Variants in CUL3 observed in about 807,000 individuals in gnomAD.
CUL3 encodes cullin 3, also known as cullin-3.
Under a neutral mutation model 89.1 loss-of-function variants are expected in CUL3, and 19 were observed. The ratio of observed to expected loss-of-function variants is 0.21; its 90% CI spans 0.15 to 0.31. CUL3 has a LOEUF of 0.31. Among genes scored for constraint, CUL3 ranks in the 10% least tolerant of loss-of-function variants. The pLI, the probability that CUL3 is intolerant of heterozygous loss-of-function variation, is 1.00. For missense variants in CUL3, 469 were observed against 942.3 expected (o/e 0.50, Z 6.58); for synonymous variants, 351 against 308.4 (o/e 1.14, Z -1.45).
At chr2:224,511,292 A>T (rs879017715) in intron 6 of CUL3, 62 bp downstream of exon 6, 60 of 1,258,594 alleles carry the variant, frequency 4.8e-5, no homozygotes, top group South Asian at 4.4e-4. Context: ...TTGTAGGAAA[A>T]TTTTAAAAAT....
Position 224,514,802 on chromosome 2 carries a change from C to T in CUL3, c.379-30G>A, listed in dbSNP as rs563329919. On this transcript the variant is annotated intron_variant, in intron 3 of 15. Transcript: ENST00000264414. ...AGTTAAAGTCATATAAATATGAGTA[C>T]AGTTCTTGTGAGCATAATAATTATT... is the stretch of plus-strand genomic sequence containing the variant. 2.6e-5 allele frequency: 39 copies of T among 1,494,570 alleles called. No homozygotes were observed. The African/African-American group carries it at 3.0e-4, about 12-fold the overall frequency. The allele number at this position is 1,494,570 out of a possible 1,614,324, so 92.6% of individuals were successfully genotyped here. A position where few individuals can be genotyped will look rare whatever the true frequency, so the allele number is the denominator to read the frequency against.
intron 1 of CUL3, among the ~76,000 whole-genome samples, chr2:224,563,513 T>TAA (rs1355729361): frequency 6.6e-6 from 1 of 152,222 alleles, no homozygotes; most frequent in Non-Finnish European, 1.5e-5. Flanking sequence ...GTCCATATCT[T>TAA]AAAGAAGATA....
chr2:224,549,775 T>C (rs1694440672), intron 2 of CUL3, among the ~76,000 whole-genome samples: 2 of 152,084 alleles, frequency 1.3e-5, no homozygotes, highest in Non-Finnish European at 2.9e-5. Context: ...ACCCTTAACA[T>C]GCCCAAAAGT....
intron 3 of CUL3, among the ~76,000 whole-genome samples, chr2:224,533,859 T>C (rs906041000): frequency 3.3e-5 from 5 of 152,156 alleles, no homozygotes; most frequent in East Asian, 3.8e-4. Flanking sequence ...CCTGACCCCC[T>C]TGCCACTAAG....
chr2:224,510,939 A>G (rs970080370), intron 6 of CUL3, among the ~76,000 whole-genome samples: 3 of 152,186 alleles, frequency 2.0e-5, no homozygotes, highest in Non-Finnish European at 4.4e-5. Flanking sequence ...TAAATCCCAA[A>G]GGAAAGTCTA....
chr2:224,570,443 T>A (rs1695157480), intron 1 of CUL3, among the ~76,000 whole-genome samples: 1 of 152,326 alleles, frequency 6.6e-6, no homozygotes, highest in South Asian at 2.1e-4. Context: ...TAAGAAAGTC[T>A]GTGAAAGCAT....
chr2:224,491,080 T>C (rs1168204647), intron 13 of CUL3, among the ~76,000 whole-genome samples: 1 of 152,204 alleles, frequency 6.6e-6, no homozygotes, highest in Non-Finnish European at 1.5e-5. Context: ...CTAAGACCCA[T>C]CCCTTTTCAA....
intron 3 of CUL3, among the ~76,000 whole-genome samples, chr2:224,532,734 TTGAG>T (rs1693741078): frequency 6.6e-6 from 1 of 151,962 alleles, no homozygotes; most frequent in Non-Finnish European, 1.5e-5. Flanking sequence ...ATTCTGAGGA[TTGAG>T]TGAGTGGCTT....
At position 224,471,070 on chromosome 2, in the gene CUL3, A is replaced by T. The variant is rs1381124847; in HGVS notation, c.*3175T>A. 4 of 223,616 alleles carry T rather than the reference A, an allele frequency of 1.8e-5. No individual in the cohort carries two copies. Among genetic ancestry groups the T allele is most frequent in the African/African-American group, 8.9e-5 (4 of 44,894 alleles). 13.9% of individuals were successfully genotyped at this position (223,616 alleles called of 1,614,324 possible). ...TATCTGGCATATGATAAGCACTTAA[A>T]TGTTAACATTTCTAATTATTTCTGC... On this transcript the variant is annotated 3_prime_UTR_variant, in exon 16 of 16. Coordinates refer to ENST00000264414, the MANE Select transcript of CUL3 (RefSeq NM_003590.5).
At chr2:224,532,370 T>C (rs528740263) in intron 3 of CUL3, among the ~76,000 whole-genome samples, 2 of 151,146 alleles carry the variant, frequency 1.3e-5, no homozygotes, top group Admixed American at 6.6e-5. Flanking sequence ...AGAAGGTAGG[T>C]AGGAGGCATA....
chr2:224,541,725 G>A (rs1470036661), intron 2 of CUL3, among the ~76,000 whole-genome samples: 1 of 152,032 alleles, frequency 6.6e-6, no homozygotes. Flanking sequence ...AGCCATAAAA[G>A]GGAACAAATT....
At chr2:224,559,836 C>T (rs368127600) in intron 1 of CUL3, among the ~76,000 whole-genome samples, 3 of 152,328 alleles carry the variant, frequency 2.0e-5, no homozygotes, top group Admixed American at 1.3e-4. Context: ...AATCCCAGCA[C>T]TTTGGAAAGT....
At chr2:224,478,506 T>G in intron 14 of CUL3, 161 bp from the exon 15 acceptor site, 1 of 473,262 alleles carries the variant, frequency 2.1e-6, no homozygotes, top group Non-Finnish European at 3.6e-6. Flanking sequence ...TGTCTTAATG[T>G]TTACTTGAAT....
intron 13 of CUL3, among the ~76,000 whole-genome samples, chr2:224,484,805 A>C (rs1037402754): frequency 1.3e-5 from 2 of 152,196 alleles, no homozygotes; most frequent in Non-Finnish European, 2.9e-5. Flanking sequence ...AAAACAATTA[A>C]ATTCAGTTTT....
intron 7 of CUL3, 151 bp downstream of exon 7, chr2:224,506,707 C>T (rs1692615937): frequency 1.4e-6 from 1 of 704,372 alleles, no homozygotes; most frequent in African/African-American, 1.8e-5. Context: ...CTTGCAAAAT[C>T]CTAAAATATG....
intron 3 of CUL3, among the ~76,000 whole-genome samples, chr2:224,535,274 A>C (rs1005878592): frequency 1.8e-4 from 27 of 152,272 alleles, no homozygotes; most frequent in African/African-American, 6.5e-4. Flanking sequence ...CCCCGGTTCA[A>C]GCGATTCTCC....
At chr2:224,535,838 C>T (rs966573240) in intron 2 of CUL3, among the ~76,000 whole-genome samples, 197 bp from the exon 3 acceptor site, 1 of 152,184 alleles carries the variant, frequency 6.6e-6, no homozygotes, top group Non-Finnish European at 1.5e-5. Flanking sequence ...AGTACAGACT[C>T]CTCTTCTGAT....
intron 5 of CUL3, among the ~76,000 whole-genome samples, chr2:224,512,885 A>G (rs1692888691): frequency 6.6e-6 from 1 of 152,216 alleles, no homozygotes; most frequent in Admixed American, 6.5e-5. Flanking sequence ...CTTGAACAAC[A>G]CAAGTTTGAA....
intron 13 of CUL3, among the ~76,000 whole-genome samples, chr2:224,482,531 T>C (rs538987346): frequency 1.1e-4 from 17 of 151,866 alleles, no homozygotes; most frequent in Non-Finnish European, 2.1e-4. Context: ...CCTTCTACCA[T>C]ACAATCAAAA....
Sources: allele counts gnomAD v4.1 joint callset (sites outside exome capture counted in the v4.1 genomes callset), GRCh38; gene constraint gnomAD v4.1.1; transcripts MANE v1.5; gene names NCBI Gene and HGNC (gene_info 2026-07-23, HGNC 2026-07-21).